NEGR1: variants seen among roughly 807,000 people sequenced by gnomAD.
NEGR1 encodes neuronal growth regulator 1, also known as IgLON family member 4.
Under a neutral mutation model 40.9 loss-of-function variants are expected in NEGR1, and 10 were observed. The ratio of observed to expected loss-of-function variants is 0.24; its 90% CI spans 0.15 to 0.42. The LOEUF (loss-of-function observed/expected upper bound fraction) is 0.42. Among genes scored for constraint, NEGR1 ranks in the 10% least tolerant of loss-of-function variants. NEGR1 has a pLI of 1.00. For synonymous variants in NEGR1, 185 were observed against 166.8 expected (o/e 1.11, Z -0.84); for missense variants, 352 against 438.9 (o/e 0.80, Z 1.77).
intron 2 of NEGR1, among the ~76,000 whole-genome samples, chr1:71,800,068 TG>T: frequency 6.6e-6 from 1 of 152,318 alleles, no homozygotes; most frequent in South Asian, 2.1e-4. Flanking sequence ...TACCCCATTG[TG>T]GTTTTGATTT....
At chr1:71,888,295 ATC>A (rs1221598616) in intron 2 of NEGR1, among the ~76,000 whole-genome samples, 2 of 152,012 alleles carry the variant, frequency 1.3e-5, no homozygotes, top group African/African-American at 4.8e-5. Flanking sequence ...CTGCATTTCC[ATC>A]TGAGGTACCG....
chr1:71,897,365 G>A (rs556711012), intron 2 of NEGR1, among the ~76,000 whole-genome samples: 203 of 152,242 alleles, frequency 1.3e-3, no homozygotes, highest in African/African-American at 4.5e-3. Flanking sequence ...ATAGTTCTCC[G>A]ATTCCTGCTG....
At chr1:71,908,752 A>T (rs1028578431) in intron 2 of NEGR1, among the ~76,000 whole-genome samples, 11 of 152,206 alleles carry the variant, frequency 7.2e-5, no homozygotes, top group African/African-American at 2.7e-4. Flanking sequence ...AAATATATGC[A>T]GTCAACTGTT....
intron 1 of NEGR1, among the ~76,000 whole-genome samples, chr1:72,174,941 G>C (rs1237296672): frequency 6.6e-6 from 1 of 151,800 alleles, no homozygotes; most frequent in African/African-American, 2.4e-5. Context: ...TCTATAATGT[G>C]TATGATATTT....
At chr1:72,171,375 G>A (rs536277722) in intron 1 of NEGR1, among the ~76,000 whole-genome samples, 1 of 152,242 alleles carries the variant, frequency 6.6e-6, no homozygotes, top group Admixed American at 6.5e-5. Context: ...GCACATAAAA[G>A]TATCCCTTTG....
intron 1 of NEGR1, among the ~76,000 whole-genome samples, chr1:71,998,383 T>A (rs1289443874): frequency 7.2e-5 from 11 of 151,960 alleles, no homozygotes; most frequent in African/African-American, 2.7e-4. Context: ...ACTTGTATCC[T>A]GTATATACTG....
intron 1 of NEGR1, among the ~76,000 whole-genome samples, chr1:72,061,772 A>G (rs1178176299): frequency 1.3e-5 from 2 of 151,968 alleles, no homozygotes; most frequent in South Asian, 2.1e-4. Context: ...TTCTTGCCTC[A>G]TCATGATTCT....
At chr1:71,618,801 T>C (rs568590417) in intron 4 of NEGR1, among the ~76,000 whole-genome samples, 16 of 152,264 alleles carry the variant, frequency 1.1e-4, no homozygotes, top group African/African-American at 3.6e-4. Context: ...GAGACTGCTG[T>C]CTTTTTGGAC....
chr1:71,559,844 A>C (rs2101478899), intron 6 of NEGR1, among the ~76,000 whole-genome samples: 1 of 151,594 alleles, frequency 6.6e-6, no homozygotes, highest in African/African-American at 2.4e-5. Context: ...GTAAAAAAAA[A>C]AAAAATCTTC....
chr1:71,819,228 A>T (rs522395), intron 2 of NEGR1, among the ~76,000 whole-genome samples: 17,720 of 151,960 alleles, frequency 0.12, 1,120 homozygotes, highest in South Asian at 0.23. Context: ...CAGCTTTTCT[A>T]TTCTTGGAAA....
chr1:72,257,831 A>C (rs971818711), intron 1 of NEGR1, among the ~76,000 whole-genome samples: 1 of 147,190 alleles, frequency 6.8e-6, no homozygotes, highest in Non-Finnish European at 1.5e-5. Context: ...TAAATTCATA[A>C]AGAATGAAAA....
chr1:72,024,839 T>C (rs959606328), intron 1 of NEGR1, among the ~76,000 whole-genome samples: 20 of 152,314 alleles, frequency 1.3e-4, no homozygotes, highest in African/African-American at 4.6e-4. Flanking sequence ...AACCTCTTTA[T>C]GCAGAACTTG....
intron 2 of NEGR1, among the ~76,000 whole-genome samples, chr1:71,795,620 G>A (rs914634543): frequency 6.6e-6 from 1 of 152,008 alleles, no homozygotes; most frequent in Non-Finnish European, 1.5e-5. Flanking sequence ...GCAAAAATCT[G>A]AACAAATCCC....
chr1:71,690,323 C>T (rs115420676), intron 4 of NEGR1, among the ~76,000 whole-genome samples: 2,583 of 151,802 alleles, frequency 0.017, 23 homozygotes, highest in Non-Finnish European at 0.025. Context: ...CGTACTGAAG[C>T]AAAACTTTTT....
chr1:71,610,768 G>A (rs1402512592), intron 5 of NEGR1, among the ~76,000 whole-genome samples: 1 of 152,040 alleles, frequency 6.6e-6, no homozygotes, highest in Non-Finnish European at 1.5e-5. Context: ...GTTTCAGGAG[G>A]GAGGGGAAGA....
At chr1:72,070,034 A>G (rs1377243208) in intron 1 of NEGR1, among the ~76,000 whole-genome samples, 1 of 152,154 alleles carries the variant, frequency 6.6e-6, no homozygotes, top group Non-Finnish European at 1.5e-5. Context: ...ACCATAATCT[A>G]TAACCCAGGA....
chr1:71,849,509 C>T (rs575557055), intron 2 of NEGR1, among the ~76,000 whole-genome samples: 6 of 151,982 alleles, frequency 3.9e-5, no homozygotes, highest in African/African-American at 7.2e-5. Context: ...CTTGTGAACA[C>T]GAAATCACAG....
At chr1:72,149,764 G>A (rs768959617) in intron 1 of NEGR1, among the ~76,000 whole-genome samples, 6 of 150,690 alleles carry the variant, frequency 4.0e-5, no homozygotes, top group African/African-American at 7.3e-5. Context: ...TGACTGTAAC[G>A]CCAGCTACTC....
At chr1:71,963,708 A>C (rs1024018736) in intron 1 of NEGR1, among the ~76,000 whole-genome samples, 1 of 152,198 alleles carries the variant, frequency 6.6e-6, no homozygotes, top group African/African-American at 2.4e-5. Flanking sequence ...TAAAATGTCT[A>C]TGATTGGGTC....
Sources: gnomAD v4.1 joint callset for allele counts (sites outside exome capture counted in the v4.1 genomes callset) on GRCh38, gnomAD v4.1.1 for gene constraint, MANE v1.5 for transcripts, NCBI Gene and HGNC (gene_info 2026-07-23, HGNC 2026-07-21) for gene names.